The following GALNT17 variants were observed in gnomAD, a reference collection of about 807,000 sequenced individuals.
GALNT17 encodes UDP-GalNAc:polypeptide N-acetylgalactosaminyltransferase-like 3.
A neutral mutation model predicts 63.7 loss-of-function variants in GALNT17; 29 were observed. That is an observed-to-expected ratio of 0.46 (90% CI 0.34 to 0.62). GALNT17 has a LOEUF of 0.62. GALNT17 is among the 20% of genes least tolerant of loss of function. The probability of loss-of-function intolerance (pLI) is 0.01; values close to 1 mark genes in which losing one functional copy is unlikely to be tolerated. For synonymous variants in GALNT17, 305 were observed against 318.3 expected (o/e 0.96, Z 0.45); for missense variants, 603 against 799.6 (o/e 0.75, Z 2.97).
chr7:71,683,574 T>C (rs1476855505), intron 9 of GALNT17, among the ~76,000 whole-genome samples: 1 of 152,178 alleles, frequency 6.6e-6, no homozygotes, highest in Non-Finnish European at 1.5e-5. Flanking sequence ...TCTTGCAGCA[T>C]GTGTTTGTCA....
At chr7:71,259,424 C>T (rs1008306020) in intron 1 of GALNT17, among the ~76,000 whole-genome samples, 1 of 152,082 alleles carries the variant, frequency 6.6e-6, no homozygotes, top group Non-Finnish European at 1.5e-5. Context: ...ATAGAGAAGT[C>T]GTATCAATTG....
At chr7:71,539,085 C>A (rs1169315673) in intron 5 of GALNT17, among the ~76,000 whole-genome samples, 1 of 152,120 alleles carries the variant, frequency 6.6e-6, no homozygotes, top group Non-Finnish European at 1.5e-5. Flanking sequence ...CGTGAGCCAC[C>A]GTGCTCAACT....
intron 2 of GALNT17, among the ~76,000 whole-genome samples, chr7:71,383,216 T>C (rs952748187): frequency 4.6e-5 from 7 of 152,218 alleles, no homozygotes; most frequent in African/African-American, 1.7e-4. Flanking sequence ...ATTTTATATA[T>C]ACACAGCCAT....
intron 5 of GALNT17, among the ~76,000 whole-genome samples, chr7:71,543,431 G>A (rs183110321): frequency 1.3e-5 from 2 of 152,278 alleles, no homozygotes; most frequent in East Asian, 1.9e-4. Context: ...ATCAGAAAAC[G>A]TTTAGCATCT....
intron 1 of GALNT17, among the ~76,000 whole-genome samples, chr7:71,229,284 C>G (rs1348740600): frequency 6.6e-6 from 1 of 152,210 alleles, no homozygotes; most frequent in African/African-American, 2.4e-5. Flanking sequence ...TTGGGAGTTG[C>G]AGCCAGAAGG....
At position 71,251,226 on chromosome 7, in the gene GALNT17, G is replaced by GT. The variant is rs141072763; in HGVS notation, c.239-84321dup. Among the ~76,000 whole-genome samples, 1,071 of 150,864 alleles carry GT rather than the reference G, an allele frequency of 7.1e-3. 14 individuals carry two copies. Among genetic ancestry groups the GT allele is most frequent in the African/African-American group, 0.025 (1,014 of 41,022 alleles). On this transcript the variant is annotated intron_variant, in intron 1 of 10. Transcript: ENST00000333538. Reference sequence around the variant, plus strand: ...AGAGAATCACAATGCTTATTGTTTAGTTTGGGGGAAATTTGGAAGGTCCTG... The same window carrying GT: ...AGAGAATCACAATGCTTATTGTTTAGTTTTGGGGGAAATTTGGAAGGTCCTG...
chr7:71,393,299 T>A (rs760428321), intron 3 of GALNT17, among the ~76,000 whole-genome samples: 1 of 152,040 alleles, frequency 6.6e-6, no homozygotes, highest in African/African-American at 2.4e-5. Flanking sequence ...TGATTAAAAC[T>A]TTTTTTTCCC....
intron 5 of GALNT17, among the ~76,000 whole-genome samples, chr7:71,426,216 T>C (rs891736932): frequency 1.3e-5 from 2 of 152,094 alleles, no homozygotes; most frequent in African/African-American, 4.8e-5. Flanking sequence ...TTGGGGAAAG[T>C]GTCACTCAAA....
intron 5 of GALNT17, among the ~76,000 whole-genome samples, chr7:71,442,896 T>C (rs1039877945): frequency 6.6e-6 from 1 of 152,284 alleles, no homozygotes; most frequent in Non-Finnish European, 1.5e-5. Flanking sequence ...CCAGTCAGTA[T>C]TTTGGAGTTT....
chr7:71,388,515 G>A, intron 3 of GALNT17, 114 bp downstream of exon 3: 1 of 1,289,108 alleles, frequency 7.8e-7, no homozygotes, highest in Non-Finnish European at 1.1e-6. Context: ...GCATATCTGG[G>A]GAAGGGATAT....
At chr7:71,680,618 CCCTCCTTCCTTT>C (rs1791239880) in intron 9 of GALNT17, among the ~76,000 whole-genome samples, 2 of 45,584 alleles carry the variant, frequency 4.4e-5, no homozygotes, top group African/African-American at 1.4e-4. Flanking sequence ...CTCCCTCTCT[CCCTCCTTCCTTT>C]CCTTCCTTCC....
intron 3 of GALNT17, among the ~76,000 whole-genome samples, chr7:71,395,156 T>C (rs1034239068): frequency 4.6e-5 from 7 of 152,098 alleles, no homozygotes; most frequent in African/African-American, 1.7e-4. Flanking sequence ...ATTCAAATGA[T>C]TTGCACCTAT....
intron 9 of GALNT17, among the ~76,000 whole-genome samples, chr7:71,689,992 C>T (rs975641924): frequency 4.0e-5 from 6 of 151,046 alleles, no homozygotes; most frequent in Non-Finnish European, 7.4e-5. Flanking sequence ...ATCAGTGCAT[C>T]TGTTTACAGC....
chr7:71,397,826 A>C (rs975243943), intron 3 of GALNT17, among the ~76,000 whole-genome samples: 1 of 152,226 alleles, frequency 6.6e-6, no homozygotes, highest in African/African-American at 2.4e-5. Flanking sequence ...AAATCTTTCA[A>C]GTTCACTCAT....
At chr7:71,363,921 A>G (rs1195110363) in intron 2 of GALNT17, among the ~76,000 whole-genome samples, 1 of 152,220 alleles carries the variant, frequency 6.6e-6, no homozygotes, top group Non-Finnish European at 1.5e-5. Flanking sequence ...GTTTGTTTCC[A>G]TATCCAGTAA....
At chr7:71,178,748 C>T (rs951602840) in intron 1 of GALNT17, among the ~76,000 whole-genome samples, 3 of 152,066 alleles carry the variant, frequency 2.0e-5, no homozygotes, top group African/African-American at 7.2e-5. Context: ...GGTTAGATTC[C>T]CCATCTGTTC....
intron 1 of GALNT17, among the ~76,000 whole-genome samples, chr7:71,262,344 G>A (rs992254367): frequency 2.6e-5 from 4 of 151,858 alleles, no homozygotes; most frequent in African/African-American, 4.8e-5. Context: ...TCAAAGTCCC[G>A]GCCTCAAGCA....
rs564024645 is a variant in GALNT17, at chr7:71,295,699, A to C, written c.239-39851A>C. Among the ~76,000 whole-genome samples, 3 of 151,962 alleles carry C rather than the reference A, an allele frequency of 2.0e-5. No individual in the cohort carries two copies. The East Asian group carries it at 5.8e-4, about 30-fold the overall frequency. The stretch of plus-strand genomic sequence containing the variant: ...CTGCAGCCTCAAATTCCTGGGCTTA[A>C]GCAATCCTCCTGCCTCAGCCTCCCG... On this transcript the variant is annotated intron_variant, in intron 1 of 10. Coordinates refer to ENST00000333538, the MANE Select transcript of GALNT17 (RefSeq NM_022479.3).
At chr7:71,479,295 TAAAG>T (rs1426311791) in intron 5 of GALNT17, among the ~76,000 whole-genome samples, 3 of 151,832 alleles carry the variant, frequency 2.0e-5, no homozygotes, top group Non-Finnish European at 4.4e-5. Flanking sequence ...ATGTGGCAAG[TAAAG>T]AAAAGGCAAA....
Sources: gnomAD v4.1 joint callset for allele counts (sites outside exome capture counted in the v4.1 genomes callset) on GRCh38, gnomAD v4.1.1 for gene constraint, MANE v1.5 for transcripts, NCBI Gene and HGNC (gene_info 2026-07-23, HGNC 2026-07-21) for gene names.